The following CUX1 variants were observed in gnomAD, a reference collection of about 807,000 sequenced individuals.
CUX1 encodes protein CASP.
A neutral mutation model predicts 158.8 loss-of-function variants in CUX1; 31 were observed. The observed-to-expected ratio is 0.20, with a 90% CI of 0.15 to 0.26. CUX1 has a LOEUF of 0.26. Among genes scored for constraint, CUX1 ranks in the 10% least tolerant of loss-of-function variants. The probability of loss-of-function intolerance (pLI) is 1.00; values close to 1 mark genes in which losing one functional copy is unlikely to be tolerated. For missense variants in CUX1, 1,589 were observed against 2,014.6 expected (o/e 0.79, Z 4.04); for synonymous variants, 879 against 862.1 (o/e 1.02, Z -0.34).
intron 21 of CUX1, among the ~76,000 whole-genome samples, chr7:102,230,354 C>T: frequency 6.6e-6 from 1 of 151,578 alleles, no homozygotes; most frequent in East Asian, 1.9e-4. Context: ...GGCATGGTGG[C>T]ACCCGCTGTA....
chr7:101,987,128 C>T (rs1313974051), intron 2 of CUX1, among the ~76,000 whole-genome samples: 3 of 152,200 alleles, frequency 2.0e-5, no homozygotes, highest in Non-Finnish European at 4.4e-5. Context: ...AATGAGGCAC[C>T]TGCATGGGTA....
chr7:102,104,573 A>T (rs536490366), intron 6 of CUX1, 114 bp downstream of exon 6: 1 of 1,343,018 alleles, frequency 7.4e-7, no homozygotes, highest in East Asian at 2.4e-5. Flanking sequence ...GTAACCCCAA[A>T]TCTATAAGGG....
At chr7:102,239,248 CT>C in intron 22 of CUX1, 71 bp from the exon 23 acceptor site, 1 of 1,518,602 alleles carries the variant, frequency 6.6e-7, no homozygotes, top group East Asian at 2.3e-5. Flanking sequence ...TGCCGTCCCG[CT>C]AGCGGGACTG....
intron 20 of CUX1, among the ~76,000 whole-genome samples, chr7:102,205,565 C>G (rs942356673): frequency 6.6e-6 from 1 of 152,134 alleles, no homozygotes; most frequent in African/African-American, 2.4e-5. Context: ...GGAAGACATC[C>G]AGGCAGCCTC....
intron 1 of CUX1, among the ~76,000 whole-genome samples, chr7:101,895,572 G>A (rs1395532157): frequency 6.6e-6 from 1 of 152,106 alleles, no homozygotes; most frequent in Non-Finnish European, 1.5e-5. Context: ...AAGCTTTGCC[G>A]GTGTCTGTCC....
In CUX1 at chr7:102,078,275, C is replaced by G. The variant is rs1554477368; in HGVS notation, c.268+7858C>G. On this transcript the variant is annotated intron_variant, in intron 4 of 23. Transcript: ENST00000292535. ...ATTTTTTGTAGAGATGGGGTCTTGC[C>G]ATGTTGCCAAGGCTGGTCTCAAACT... is the stretch of plus-strand genomic sequence containing the variant. Among the ~76,000 whole-genome samples, 3 of 152,070 alleles carry G rather than the reference C, an allele frequency of 2.0e-5. No homozygotes were observed. The South Asian group carries it at 6.2e-4, about 31-fold the overall frequency.
At chr7:101,932,394 T>C (rs959143353) in intron 2 of CUX1, 6 of 346,116 alleles carry the variant, frequency 1.7e-5, no homozygotes, top group Non-Finnish European at 3.5e-5. Context: ...AAATTAGCCT[T>C]CTCCAGGGAG....
At position 102,249,106 on chromosome 7, in the gene CUX1, G is replaced by A. The variant is rs1801188549; in HGVS notation, c.*64G>A. The A allele has an allele frequency of 8.4e-7, 1 of 1,195,988 alleles. No individual in the cohort carries two copies. The highest frequency in any genetic ancestry group is 1.0e-6 in the Non-Finnish European group (1 of 961,460). 74.1% of individuals were successfully genotyped at this position (1,195,988 alleles called of 1,614,324 possible). On this transcript the variant is annotated 3_prime_UTR_variant, in exon 24 of 24. Coordinates refer to ENST00000292535, the MANE Select transcript of CUX1 (RefSeq NM_181552.4). ...CAAGGGCCTGGACGGGGTCGGACGG[G>A]GCAGGCGCTGCGGACACCGTGGCCT... is the stretch of plus-strand genomic sequence containing the variant.
At chr7:102,137,631 C>T (rs1308991774) in intron 8 of CUX1, among the ~76,000 whole-genome samples, 24 of 151,528 alleles carry the variant, frequency 1.6e-4, no homozygotes, top group East Asian at 5.8e-4. Flanking sequence ...AGTGAATCTC[C>T]GTCAAAAAAG....
chr7:102,234,299 T>C, intron 22 of CUX1, 59 bp downstream of exon 22: 1 of 1,389,224 alleles, frequency 7.2e-7, no homozygotes, highest in Non-Finnish European at 9.4e-7. Flanking sequence ...AGGCTGTTTC[T>C]TTCAAATCTT....
rs544486818 is a variant in CUX1, at chr7:102,201,682, C to A, written c.2385C>A (p.Asp795Glu). The change falls in exon 18 of 24, where the codon GAC becomes GAA. Residue 795 changes from aspartate (D) to glutamate (E), a missense_variant. Asp to Glu is a conservative substitution (Grantham distance 45, BLOSUM62 2). This residue lies in a region of CUX1 where 337 missense variants were observed against 409.3 expected (regional missense o/e 0.82). Coordinates refer to ENST00000292535, the MANE Select transcript of CUX1 (RefSeq NM_181552.4). The surrounding 1 kb of genome is among the most constrained non-coding windows in gnomAD (Gnocchi z 5.0). ...AGGCCCAGGACGCCCCCGGGCTGGA[C>A]CCCCAGGGAGCAGCCGATTGTGCAC... ...KKEAQDAPGL[D>E]PQGAADCAQG... 2.7e-5 allele frequency: 44 copies of A among 1,612,728 alleles called. No homozygotes were observed. The highest frequency in any genetic ancestry group is 4.0e-5 in the African/African-American group (3 of 75,052).
chr7:102,268,365 C>A (rs1790960674), intron 14 of CUX1, among the ~76,000 whole-genome samples: 1 of 152,200 alleles, frequency 6.6e-6, no homozygotes, highest in Non-Finnish European at 1.5e-5. Flanking sequence ...AACACCTTCG[C>A]CTCGCTCAGC....
chr7:101,937,114 C>T (rs1245873877), intron 2 of CUX1, among the ~76,000 whole-genome samples: 1 of 152,144 alleles, frequency 6.6e-6, no homozygotes, highest in Non-Finnish European at 1.5e-5. Context: ...GATGTGTCCC[C>T]TGCCGGGACT....
At chr7:102,244,166 T>TACAA (rs1554536041) in intron 23 of CUX1, among the ~76,000 whole-genome samples, 3 of 152,220 alleles carry the variant, frequency 2.0e-5, no homozygotes, top group Non-Finnish European at 2.9e-5. Flanking sequence ...AACCTGCCGT[T>TACAA]ATACCCGACA....
chr7:101,962,340 T>G (rs1437169602), intron 2 of CUX1, among the ~76,000 whole-genome samples: 1 of 152,250 alleles, frequency 6.6e-6, no homozygotes, highest in African/African-American at 2.4e-5. Context: ...TGGCCCTACG[T>G]GGAATCTCAA....
At chr7:101,989,306 C>T (rs1262441591) in intron 2 of CUX1, among the ~76,000 whole-genome samples, 1 of 152,234 alleles carries the variant, frequency 6.6e-6, no homozygotes, top group South Asian at 2.1e-4. Context: ...ACGATGTCTG[C>T]GCCGACCAGT....
intron 8 of CUX1, among the ~76,000 whole-genome samples, chr7:102,133,956 A>G (rs1220532229): frequency 1.2e-4 from 18 of 152,192 alleles, no homozygotes; most frequent in African/African-American, 4.3e-4. Context: ...TGGATTCATC[A>G]CTACTTCAAA....
intron 8 of CUX1, among the ~76,000 whole-genome samples, chr7:102,130,267 A>AT (rs782415476): frequency 7.9e-5 from 12 of 152,218 alleles, no homozygotes; most frequent in Non-Finnish European, 1.3e-4. Flanking sequence ...GAGCCTTCAG[A>AT]TTTAATGCTC....
At chr7:102,112,349 C>T (rs1414473614) in intron 7 of CUX1, among the ~76,000 whole-genome samples, 1 of 149,330 alleles carries the variant, frequency 6.7e-6, no homozygotes, top group Non-Finnish European at 1.5e-5. Context: ...TAATGCCATT[C>T]TCCTGCCTCA....
Sources: allele counts gnomAD v4.1 joint callset (sites outside exome capture counted in the v4.1 genomes callset), GRCh38; gene constraint gnomAD v4.1.1; regional missense constraint gnomAD v4.1.1; non-coding constraint Gnocchi (gnomAD v3.1); transcripts MANE v1.5; gene names NCBI Gene and HGNC (gene_info 2026-07-23, HGNC 2026-07-21).